KCNH3: variants seen among roughly 807,000 people sequenced by gnomAD.
KCNH3 encodes voltage-gated inwardly rectifying potassium channel KCNH3.
In KCNH3, 36 loss-of-function variants were observed where a neutral mutation model predicts 95.6. That is an observed-to-expected ratio of 0.38 (90% confidence interval 0.29 to 0.50). The LOEUF is 0.50. KCNH3 is among the 20% of genes least tolerant of loss of function. The probability of loss-of-function intolerance (pLI) is 0.95; values close to 1 mark genes in which losing one functional copy is unlikely to be tolerated. For synonymous variants in KCNH3, 620 were observed against 646.3 expected, an observed-to-expected ratio of 0.96 and a Z score of 0.62; for missense variants, 1,030 against 1,484.1, an observed-to-expected ratio of 0.69 and a Z score of 5.03.
rs762572479 is a variant in KCNH3 at position 49,549,134 on chromosome 12, A to G, written c.1429A>G (p.Thr477Ala). Residue 477 changes from threonine to alanine, a missense_variant, in exon 8 of 15, where the codon ACC (threonine) becomes GCC (alanine). By Grantham distance (58) the Thr-to-Ala change is moderately conservative. This residue lies in a region of KCNH3 where 13 missense variants were observed against 64.5 expected (regional missense o/e 0.20). Coordinates refer to ENST00000257981, the MANE Select transcript of KCNH3 (RefSeq NM_012284.3). Reference sequence around the variant, plus strand: ...CGGCAACGTGTCCGCCAACACGGACACCGAGAAGATCTTCTCCATCTGCAC... The same window carrying G: ...CGGCAACGTGTCCGCCAACACGGACGCCGAGAAGATCTTCTCCATCTGCAC... ...GFGNVSANTDTEKIFSICTML... is the reference protein window; with the variant it reads ...GFGNVSANTDAEKIFSICTML... 1.2e-6 allele frequency: 2 copies of G among 1,611,106 alleles called. No individual in the cohort carries two copies. The highest frequency in any genetic ancestry group is 1.3e-5 in the African/African-American group (1 of 74,976).
chr12:49,557,843 T>C lies in KCNH3; in HGVS notation c.3142T>C (p.Ser1048Pro). 1.3e-6 allele frequency: 2 copies of C among 1,594,818 alleles called. No individual in the cohort carries two copies. The highest frequency in any genetic ancestry group is 1.7e-6 in the Non-Finnish European group (2 of 1,168,306). The change falls in exon 15 of 15, where the codon TCA (serine) becomes CCA (proline). Residue 1048 changes from serine to proline, a missense_variant. This residue lies in a region of KCNH3 where 464 missense variants were observed against 493.2 expected (regional missense o/e 0.94). Transcript: ENST00000257981. Reference sequence around the variant, plus strand: ...CAGCACTGGAGAGCCCCCACCAGGGTCAGGGGGCCTGGCCTTGCCCTGGGA... The same window carrying C: ...CAGCACTGGAGAGCCCCCACCAGGGCCAGGGGGCCTGGCCTTGCCCTGGGA... ...ATSTGEPPPG[S>P]GGLALPWDPH...
Position 49,550,205 on chromosome 12 carries a change from G to A in KCNH3, c.1794G>A (p.Leu598=). Residue 598 remains leucine, a synonymous_variant, in exon 10 of 15, where the codon CTG becomes CTA. Coordinates refer to ENST00000257981, the MANE Select transcript of KCNH3 (RefSeq NM_012284.3). Reference sequence around the variant, plus strand: ...GCCTGCGGGCACTGTCTCTGGCCCTGCGGCCCGCCTTCTGCACGCCGGGCG... The same window carrying A: ...GCCTGCGGGCACTGTCTCTGGCCCTACGGCCCGCCTTCTGCACGCCGGGCG... ...RGCLRALSLA[L]RPAFCTPGEY... 3 of 1,609,414 alleles carry A rather than the reference G, an allele frequency of 1.9e-6. No individual in the cohort carries two copies. Among genetic ancestry groups the A allele is most frequent in the Non-Finnish European group, 1.7e-6 (2 of 1,179,888 alleles).
chr12:49,545,930 C>T (rs1483256487), intron 7 of KCNH3, among the ~76,000 whole-genome samples: 1 of 152,128 alleles, frequency 6.6e-6, no homozygotes, highest in Non-Finnish European at 1.5e-5. Flanking sequence ...CTCCTTGGTG[C>T]CTGCTATTCC....
rs780152823 is a variant in KCNH3, at chr12:49,544,133, C to T, written c.982-42C>T. 18 of 1,598,382 alleles carry T rather than the reference C, an allele frequency of 1.1e-5. 1 individual carries two copies. The highest frequency in any genetic ancestry group is 1.7e-4 in the Middle Eastern group (1 of 6,002). On this transcript the variant is annotated intron_variant, in intron 6 of 14. Coordinates refer to ENST00000257981, the MANE Select transcript of KCNH3 (RefSeq NM_012284.3). ...GGCCAGGGGACAGGCAGGGCCGGCC[C>T]GCTGACCTCCCTCCCTCCCTCCCTC...
intron 5 of KCNH3, 70 bp from the exon 6 acceptor site, chr12:49,543,845 G>T: frequency 6.4e-7 from 1 of 1,554,152 alleles, no homozygotes; most frequent in Non-Finnish European, 8.8e-7. Flanking sequence ...CTGAGAAAGT[G>T]AGCAGGTGTC....
At position 49,539,193 on chromosome 12, in the gene KCNH3, G is replaced by A. The variant is rs1363627479; in HGVS notation, c.-224G>A. The A allele has an allele frequency of 6.4e-6, 1 of 156,668 alleles. No individual in the cohort carries two copies. The highest frequency in any genetic ancestry group is 1.4e-5 in the Non-Finnish European group (1 of 71,808). 9.7% of individuals were successfully genotyped at this position (156,668 alleles called of 1,614,324 possible). A position where few individuals can be genotyped will look rare whatever the true frequency, so the allele number is the denominator to read the frequency against. ...CTGGAGCCCGGGATTTGTGGGCGGC[G>A]AGGGCGCGAGGGGCCGCGCGCCATG... is the stretch of plus-strand genomic sequence containing the variant. On this transcript the variant is annotated 5_prime_UTR_variant, in exon 1 of 15. Transcript: ENST00000257981. This position sits in a 1 kb window ranked among gnomAD's most constrained non-coding sequence, Gnocchi z 6.7.
chr12:49,541,897 G>A, intron 3 of KCNH3, 133 bp downstream of exon 3: 1 of 899,298 alleles, frequency 1.1e-6, no homozygotes, highest in South Asian at 1.6e-5. Flanking sequence ...TGCCTGAGAG[G>A]CCTGTGCTGC....
chr12:49,551,166 G>T (rs568587261), intron 10 of KCNH3, among the ~76,000 whole-genome samples: 1 of 152,354 alleles, frequency 6.6e-6, no homozygotes, highest in South Asian at 2.1e-4. Context: ...GCTCTGGGGG[G>T]AATTGGGACT....
chr12:49,543,777 TAC>T (rs1194002291), intron 5 of KCNH3, 136 bp from the exon 6 acceptor site: 2 of 1,207,480 alleles, frequency 1.7e-6, no homozygotes, highest in African/African-American at 3.0e-5. Flanking sequence ...GTCTACCTGT[TAC>T]AGTTACTGTG....
In KCNH3 at chr12:49,544,296, C is replaced by T; in HGVS notation, c.1103C>T (p.Ala368Val). Residue 368 changes from alanine to valine, a missense_variant, in exon 7 of 15, where the codon GCC becomes GTC. Coordinates refer to ENST00000257981, the MANE Select transcript of KCNH3 (RefSeq NM_012284.3). ...VVLTLLMAVF[A>V]LLAHWVACVW... ...CTGACACTGCTCATGGCCGTGTTCG[C>T]CCTGCTCGCGCACTGGGTCGCCTGC... The T allele has an allele frequency of 6.2e-7, 1 of 1,612,728 alleles. No individual in the cohort carries two copies. The highest frequency in any genetic ancestry group is 8.5e-7 in the Non-Finnish European group (1 of 1,179,896).
At chr12:49,554,298 A>G (rs758784067) in intron 10 of KCNH3, 39 bp from the exon 11 acceptor site, 19 of 1,537,238 alleles carry the variant, frequency 1.2e-5, no homozygotes, top group Non-Finnish European at 1.7e-5. Flanking sequence ...TCATGGCTGA[A>G]GCTCTCAGGG....
At chr12:49,541,262 C>T (rs997077113) in intron 2 of KCNH3, 130 bp downstream of exon 2, 17 of 736,694 alleles carry the variant, frequency 2.3e-5, no homozygotes, top group African/African-American at 7.0e-5. Flanking sequence ...ATCTTCCCAT[C>T]CCCCCATCCA....
intron 10 of KCNH3, 94 bp downstream of exon 10, chr12:49,550,423 C>T: frequency 1.4e-6 from 2 of 1,451,686 alleles, no homozygotes; most frequent in Non-Finnish European, 9.2e-7. Flanking sequence ...CTCCACAAGG[C>T]CACTGAGAGA....
In KCNH3 at chr12:49,549,045, C is replaced by CGCT; in HGVS notation, c.1343_1345dup (p.Leu448dup). ...GGGCTGGAGCTGCTGGGCGGCCCGTCGCTGCGCAGCGCCTACATCACCTCC... is the reference window on the plus strand; with the variant it reads ...GGGCTGGAGCTGCTGGGCGGCCCGTCGCTGCTGCGCAGCGCCTACATCACCTCC... On this transcript the variant is annotated inframe_insertion, in exon 8 of 15. Transcript: ENST00000257981. 1 of 1,612,276 alleles carries CGCT rather than the reference C, an allele frequency of 6.2e-7. No homozygotes were observed. The highest frequency in any genetic ancestry group is 8.5e-7 in the Non-Finnish European group (1 of 1,179,696).
At chr12:49,543,598 G>C (rs1457566982) in intron 5 of KCNH3, 80 bp downstream of exon 5, 1 of 1,524,684 alleles carries the variant, frequency 6.6e-7, no homozygotes, top group East Asian at 2.3e-5. Context: ...GTGGCTTCCA[G>C]GGTGCTACAG....
chr12:49,540,184 G>T (rs1293037407), intron 1 of KCNH3, among the ~76,000 whole-genome samples: 1 of 152,116 alleles, frequency 6.6e-6, no homozygotes, highest in Non-Finnish European at 1.5e-5. Flanking sequence ...CTCTGCCTAG[G>T]TCCTCCTTGG....
intron 3 of KCNH3, among the ~76,000 whole-genome samples, chr12:49,542,419 G>A (rs1181092232): frequency 2.0e-5 from 3 of 152,124 alleles, no homozygotes; most frequent in South Asian, 2.1e-4. Flanking sequence ...GTACCTCCTC[G>A]CTTCCTGTCC....
chr12:49,549,721 A>C, intron 9 of KCNH3, 81 bp downstream of exon 9: 1 of 1,368,970 alleles, frequency 7.3e-7, no homozygotes, highest in Non-Finnish European at 1.0e-6. Context: ...GGAGTGGGGG[A>C]GGATGAATGC....
chr12:49,546,637 T>A (rs1938071029), intron 7 of KCNH3, among the ~76,000 whole-genome samples: 1 of 152,152 alleles, frequency 6.6e-6, no homozygotes, highest in Non-Finnish European at 1.5e-5. Context: ...CTCAGAGCAC[T>A]CCTTGGTGTG....
Sources: gnomAD v4.1 joint callset for allele counts (sites outside exome capture counted in the v4.1 genomes callset) on GRCh38, gnomAD v4.1.1 for gene constraint, gnomAD v4.1.1 regional missense constraint, Gnocchi (gnomAD v3.1) non-coding constraint, MANE v1.5 for transcripts, NCBI Gene and HGNC (gene_info 2026-07-23, HGNC 2026-07-21) for gene names.